Variants in TRAPPC8 observed in about 807,000 individuals in gnomAD.
The protein encoded by TRAPPC8 is trafficking protein particle complex subunit 8, also known as general sporulation gene 1 homolog.
In TRAPPC8, 54 loss-of-function variants were observed where a neutral mutation model predicts 174.3. The observed-to-expected ratio is 0.31, with a 90% confidence interval of 0.25 to 0.39. TRAPPC8 has a LOEUF of 0.39. TRAPPC8 is among the 10% of genes least tolerant of loss of function. The pLI is 1.00. For missense variants in TRAPPC8, 1,531 were observed against 1,699.1 expected (o/e 0.90, Z 1.74); for synonymous variants, 630 against 579.9 (o/e 1.09, Z -1.24).
At chr18:31,867,923 C>T (rs2034667582) in intron 16 of TRAPPC8, among the ~76,000 whole-genome samples, 1 of 151,960 alleles carries the variant, frequency 6.6e-6, no homozygotes, top group South Asian at 2.1e-4. Flanking sequence ...ATAATAAAAC[C>T]CTGAGAGAAA....
intron 27 of TRAPPC8, 65 bp from the exon 28 acceptor site, chr18:31,832,238 A>T: frequency 2.2e-6 from 2 of 917,910 alleles, no homozygotes; most frequent in Non-Finnish European, 3.0e-6. Context: ...TTTTCCTGAA[A>T]ATAACACTTA....
chr18:31,929,033 T>C (rs1224841081), intron 2 of TRAPPC8, among the ~76,000 whole-genome samples: 3 of 151,522 alleles, frequency 2.0e-5, no homozygotes, highest in African/African-American at 7.3e-5. Flanking sequence ...ATACAAAAAA[T>C]TAGCTGGGCG....
chr18:31,855,517 G>C, intron 21 of TRAPPC8, 143 bp downstream of exon 21: 1 of 661,520 alleles, frequency 1.5e-6, no homozygotes, highest in Non-Finnish European at 2.5e-6. Flanking sequence ...GAAGAATTAA[G>C]ATGATTTCAT....
intron 12 of TRAPPC8, among the ~76,000 whole-genome samples, chr18:31,880,121 A>ATTTT (rs56728828): frequency 2.3e-4 from 16 of 69,054 alleles, no homozygotes; most frequent in African/African-American, 8.9e-4. Flanking sequence ...ATATATATAT[A>ATTTT]TTTTTTTTTT....
At chr18:31,941,577 T>C (rs1306288309) in intron 1 of TRAPPC8, among the ~76,000 whole-genome samples, 2 of 152,258 alleles carry the variant, frequency 1.3e-5, no homozygotes, top group East Asian at 1.9e-4. Context: ...TTCCAAACTT[T>C]GTTTTTTTGG....
chr18:31,883,874 GTAA>G (rs1353206416), intron 12 of TRAPPC8: 1 of 152,210 alleles, frequency 6.6e-6, no homozygotes, highest in East Asian at 1.9e-4. Flanking sequence ...TATGAACTCA[GTAA>G]TAATAATGAC....
At chr18:31,941,741 C>G (rs1390380673) in intron 1 of TRAPPC8, among the ~76,000 whole-genome samples, 2 of 152,142 alleles carry the variant, frequency 1.3e-5, no homozygotes, top group African/African-American at 4.8e-5. Context: ...CTGACACAGG[C>G]TTATTATGAA....
chr18:31,873,769 T>C (rs994563285), intron 13 of TRAPPC8: 10 of 379,474 alleles, frequency 2.6e-5, no homozygotes, highest in African/African-American at 1.9e-4. Flanking sequence ...GCTAATTACC[T>C]GGATGTTAAA....
intron 24 of TRAPPC8, among the ~76,000 whole-genome samples, chr18:31,851,175 T>C (rs1383026327): frequency 6.6e-6 from 1 of 152,182 alleles, no homozygotes; most frequent in Non-Finnish European, 1.5e-5. Flanking sequence ...CACACAATTA[T>C]ATGAACTTTT....
At chr18:31,880,316 G>A (rs1380954632) in intron 12 of TRAPPC8, among the ~76,000 whole-genome samples, 1 of 151,408 alleles carries the variant, frequency 6.6e-6, no homozygotes, top group Admixed American at 6.6e-5. Context: ...AATCCAGTGG[G>A]TTTTATTCCA....
chr18:31,898,103 A>T (rs2036258629), intron 10 of TRAPPC8, among the ~76,000 whole-genome samples: 1 of 152,194 alleles, frequency 6.6e-6, no homozygotes, highest in African/African-American at 2.4e-5. Flanking sequence ...ACATCCTCTT[A>T]TATAATTTAA....
At chr18:31,839,481 A>G (rs1226027303) in intron 26 of TRAPPC8, 24 bp from the exon 27 acceptor site, 1 of 1,568,936 alleles carries the variant, frequency 6.4e-7, no homozygotes, top group African/African-American at 1.4e-5. Flanking sequence ...GAAAAAACAT[A>G]TGACAATAAA....
Position 31,897,792 on chromosome 18 carries a change from G to A in TRAPPC8, c.1590C>T (p.Thr530=). The stretch of plus-strand genomic sequence containing the variant: ...TACTACACAGTTTCAGTACCTCACT[G>A]GTCAACCGTATTAGGAGAGCTGCAG... The part of the protein sequence containing the change: ...SEAAALLIRL[T]SEDSDLRSAL... The change falls in exon 11 of 29, where the codon ACC becomes ACT. Residue 530 remains threonine (T), a synonymous_variant. Transcript: ENST00000283351. 1.9e-6 allele frequency: 3 copies of A among 1,598,192 alleles called. No homozygotes were observed. The highest frequency in any genetic ancestry group is 2.3e-5 in the South Asian group (2 of 88,330).
rs893826188 is a variant in TRAPPC8 at position 31,871,107 on chromosome 18, T to C, written c.2076A>G (p.Ala692=). 1.3e-6 allele frequency: 2 copies of C among 1,545,672 alleles called. No homozygotes were observed. Among genetic ancestry groups the C allele is most frequent in the Non-Finnish European group, 1.8e-6 (2 of 1,140,766 alleles). ...CTTGATCAAGACTTACATGAGTAGC[T>C]GCTTGTTTTTCACCTAAAAAAAATT... is the stretch of plus-strand genomic sequence containing the variant. ...DRRPADGEKQ[A]ATHVSLDQEY... Residue 692 remains alanine (A), a synonymous_variant, in exon 15 of 29, where the codon GCA becomes GCG. Transcript: ENST00000283351.
intron 27 of TRAPPC8, 174 bp from the exon 28 acceptor site, chr18:31,832,347 A>T (rs1359564204): frequency 3.8e-6 from 1 of 264,376 alleles, no homozygotes; most frequent in African/African-American, 2.2e-5. Flanking sequence ...TATTGTAAAT[A>T]AAAAATATAT....
At chr18:31,859,107 CAA>C (rs1027616100) in intron 19 of TRAPPC8, among the ~76,000 whole-genome samples, 1 of 151,796 alleles carries the variant, frequency 6.6e-6, no homozygotes, top group Non-Finnish European at 1.5e-5. Context: ...AACAAACAAA[CAA>C]ACAAACAAAA....
At chr18:31,933,158 G>T (rs970042346) in intron 1 of TRAPPC8, among the ~76,000 whole-genome samples, 3 of 151,826 alleles carry the variant, frequency 2.0e-5, no homozygotes, top group African/African-American at 7.3e-5. Flanking sequence ...AAAATTAGCC[G>T]GGCGTGGTGG....
intron 13 of TRAPPC8, 89 bp from the exon 14 acceptor site, chr18:31,873,627 A>C: frequency 1.2e-6 from 1 of 830,750 alleles, no homozygotes; most frequent in Non-Finnish European, 1.9e-6. Flanking sequence ...CAAGGCATTA[A>C]AAATATGTTA....
Position 31,932,567 on chromosome 18 carries a change from G to A in TRAPPC8, c.158-1044C>T, listed in dbSNP as rs79587422. Among the ~76,000 whole-genome samples the A allele has an allele frequency of 5.5e-3, 832 of 152,280 alleles. 5 individuals are homozygous for A. The highest frequency in any genetic ancestry group is 0.019 in the African/African-American group (791 of 41,554). On this transcript the variant is annotated intron_variant, in intron 1 of 28. Coordinates refer to ENST00000283351, the MANE Select transcript of TRAPPC8 (RefSeq NM_014939.5). ...AACCAGTAAGTAGTTCAGAGATTCA[G>A]GACAGGGAATAGGTTCTGAGGCAAT...
Sources: allele counts gnomAD v4.1 joint callset (sites outside exome capture counted in the v4.1 genomes callset), GRCh38; gene constraint gnomAD v4.1.1; transcripts MANE v1.5; gene names NCBI Gene and HGNC (gene_info 2026-07-23, HGNC 2026-07-21).